SNX13: variants seen among roughly 807,000 people sequenced by gnomAD.
The protein encoded by SNX13 is sorting nexin 13.
Under a neutral mutation model 133.6 loss-of-function variants are expected in SNX13, and 45 were observed. The ratio of observed to expected loss-of-function variants is 0.34; its 90% CI spans 0.27 to 0.43. The LOEUF (loss-of-function observed/expected upper bound fraction) is 0.43, where lower values mean the gene tolerates loss of function less well. Among genes scored for constraint, SNX13 ranks in the 20% least tolerant of loss-of-function variants. The pLI, the probability that SNX13 is intolerant of heterozygous loss-of-function variation, is 1.00. For synonymous variants in SNX13, 414 were observed against 373.9 expected (o/e 1.11, Z -1.24); for missense variants, 1,032 against 1,145.1 (o/e 0.90, Z 1.43).
intron 1 of SNX13, among the ~76,000 whole-genome samples, chr7:17,918,771 T>C (rs770408339): frequency 5.3e-5 from 8 of 152,042 alleles, no homozygotes; most frequent in Non-Finnish European, 1.0e-4. Context: ...CAAAAGAAAA[T>C]GAATCTTTCT....
Position 17,868,884 on chromosome 7 carries a change from C to T in SNX13, c.754-394G>A, listed in dbSNP as rs149897903. Among the ~76,000 whole-genome samples the T allele has an allele frequency of 7.9e-5, 12 of 151,986 alleles. No homozygotes were observed. In the East Asian group the frequency reaches 2.1e-3, roughly 27 times the overall value. ...ATACAAACTGATTTTAGAACTACTA[C>T]CAAGGGAGGAAACGGCAACTACAGT... On this transcript the variant is annotated intron_variant, in intron 8 of 25. Transcript: ENST00000428135.
intron 1 of SNX13, among the ~76,000 whole-genome samples, chr7:17,935,455 A>T (rs770456460): frequency 3.9e-5 from 6 of 152,168 alleles, no homozygotes; most frequent in Non-Finnish European, 7.4e-5. Flanking sequence ...AACTGTCAAC[A>T]ATCATGTATT....
chr7:17,938,843 G>A (rs1453282479), intron 1 of SNX13, among the ~76,000 whole-genome samples: 2 of 152,126 alleles, frequency 1.3e-5, no homozygotes, highest in South Asian at 2.1e-4. Flanking sequence ...AAGGCTAACT[G>A]TTCCCACTAA....
chr7:17,873,566 C>T lies in SNX13; in HGVS notation c.715G>A (p.Gly239Arg). The stretch of plus-strand genomic sequence containing the variant: ...CGCATGATCTTGTTCTGGAAATCTC[C>T]AGGAGGTAGCAATAAATATAGTAAG... ...EVLLYLLLPP[G>R]DFQNKIMRYF... The change falls in exon 8 of 26, where the codon GGA (glycine) becomes AGA (arginine). Residue 239 changes from glycine (G) to arginine (R), a missense_variant. Transcript: ENST00000428135. 1 of 1,586,034 alleles carries T rather than the reference C, an allele frequency of 6.3e-7. No individual in the cohort carries two copies. Among genetic ancestry groups the T allele is most frequent in the South Asian group, 1.2e-5 (1 of 85,524 alleles).
intron 19 of SNX13, 28 bp from the exon 20 acceptor site, chr7:17,814,972 G>T (rs1188654888): frequency 7.3e-7 from 1 of 1,363,102 alleles, no homozygotes; most frequent in Non-Finnish European, 9.4e-7. Flanking sequence ...AAAAAGAAGA[G>T]ATTATCTTAA....
chr7:17,920,036 A>G (rs1799958476), intron 1 of SNX13, among the ~76,000 whole-genome samples: 2 of 152,166 alleles, frequency 1.3e-5, no homozygotes, highest in South Asian at 4.1e-4. Flanking sequence ...TATCCTTTTG[A>G]TGTGGCCTAA....
Position 17,830,178 on chromosome 7 carries a change from A to AAT in SNX13, c.1598-132_1598-131insAT, listed in dbSNP as rs1554316294. 4 of 1,169,188 alleles carry AAT rather than the reference A, an allele frequency of 3.4e-6. No individual in the cohort carries two copies. In the African/African-American group the frequency reaches 4.8e-5, roughly 14 times the overall value. 72.4% of individuals were successfully genotyped at this position (1,169,188 alleles called of 1,614,324 possible). ...CATAATAGTAAAAAAAAAAAAAAAA[A>AAT]AAAAAATTGTGGATACTCCCAAAAA... On this transcript the variant is annotated intron_variant, in intron 15 of 25. Transcript: ENST00000428135.
chr7:17,912,503 C>T (rs1583747336), intron 1 of SNX13, among the ~76,000 whole-genome samples: 2 of 152,110 alleles, frequency 1.3e-5, no homozygotes, highest in African/African-American at 2.4e-5. Flanking sequence ...TCCTGCCTCC[C>T]GGGTTCAAGT....
rs765672187 is a variant in SNX13, at chr7:17,850,920, A to C, written c.882T>G (p.Ile294Met). ...GCTCTCCAATATTGTCACTCAATTT[A>C]ATAATGTTCATAAAGGCCTCATAGT... ...NCNYEAFMNI[I>M]KLSDNIGELE... is the part of the protein sequence containing the mutation. The change falls in exon 10 of 26, where the codon ATT becomes ATG. Residue 294 changes from isoleucine to methionine, a missense_variant. Ile to Met is a conservative substitution (Grantham distance 10). Coordinates refer to ENST00000428135, the MANE Select transcript of SNX13 (RefSeq NM_015132.5). 1.4e-5 allele frequency: 23 copies of C among 1,609,538 alleles called. No individual in the cohort carries two copies. In the African/African-American group the frequency reaches 3.1e-4, roughly 22 times the overall value.
intron 24 of SNX13, among the ~76,000 whole-genome samples, chr7:17,797,929 T>G (rs776251895): frequency 1.1e-4 from 16 of 151,712 alleles, no homozygotes; most frequent in Non-Finnish European, 1.6e-4. Context: ...TATAACAAAA[T>G]AGAGACAAAA....
At chr7:17,805,289 A>G (rs1241098420) in intron 20 of SNX13, among the ~76,000 whole-genome samples, 1 of 140,088 alleles carries the variant, frequency 7.1e-6, no homozygotes, top group South Asian at 2.2e-4. Context: ...GTGTAATTCT[A>G]ATTCTATATA....
intron 11 of SNX13, among the ~76,000 whole-genome samples, chr7:17,849,785 A>G (rs1583469885): frequency 6.6e-6 from 1 of 152,190 alleles, no homozygotes; most frequent in East Asian, 1.9e-4. Context: ...GCAAACAAAA[A>G]TACATCACAG....
rs568587998 is a variant in SNX13, at chr7:17,875,140, G to A, written c.664+340C>T. ...TCCCACCTCAGCCAGCTGATGTTTC[G>A]TACTTTTAGTAGAGACAGGGTTTCG... On this transcript the variant is annotated intron_variant, in intron 7 of 25. Transcript: ENST00000428135. 2.5e-4 allele frequency among the ~76,000 whole-genome samples: 38 copies of A among 152,090 alleles called. 1 individual carries two copies. In the South Asian group the frequency reaches 6.0e-3, roughly 24 times the overall value.
rs10224916 is a variant in SNX13, at chr7:17,801,284, C to T, written c.2298+304G>A. ...AAAAAAAGTCAGACTTCATGGAATA[C>T]GTACCTTACAGTTTCATATATACAA... On this transcript the variant is annotated intron_variant, in intron 22 of 25. Transcript: ENST00000428135. Among the ~76,000 whole-genome samples, 807 of 151,560 alleles carry T rather than the reference C, an allele frequency of 5.3e-3. 4 individuals are homozygous for T. The highest frequency in any genetic ancestry group is 0.019 in the African/African-American group (770 of 41,430).
At position 17,834,320 on chromosome 7, in the gene SNX13, T is replaced by C. The variant is rs548473559; in HGVS notation, c.1465-136A>G. ...TTACAAGCTGTCAGCAATAAGACTA[T>C]TTCACAACTAATGATTTCCTCTGAT... is the stretch of plus-strand genomic sequence containing the variant. On this transcript the variant is annotated intron_variant, in intron 14 of 25. Coordinates refer to ENST00000428135, the MANE Select transcript of SNX13 (RefSeq NM_015132.5). 1.3e-5 allele frequency: 9 copies of C among 718,942 alleles called. No individual in the cohort carries two copies. In the South Asian group the frequency reaches 3.0e-4, roughly 24 times the overall value. The allele number at this position is 718,942 out of a possible 1,614,324, so 44.5% of individuals were successfully genotyped here.
Position 17,791,561 on chromosome 7 carries a change from CAT to C in SNX13, c.*2482_*2483del, listed in dbSNP as rs1227120758. The C allele has an allele frequency of 6.6e-6, 1 of 151,884 alleles. No individual in the cohort carries two copies. Among genetic ancestry groups the C allele is most frequent in the African/African-American group, 2.4e-5 (1 of 41,392 alleles). 9.4% of individuals were successfully genotyped at this position (151,884 alleles called of 1,614,324 possible). A position where few individuals can be genotyped will look rare whatever the true frequency, so the allele number is the denominator to read the frequency against. The stretch of plus-strand genomic sequence containing the variant: ...ACTATGATGGTTTCTAAATAGTGTA[CAT>C]GTTACCTGAAAAATCAGAAAACACA... On this transcript the variant is annotated 3_prime_UTR_variant, in exon 26 of 26. Transcript: ENST00000428135.
chr7:17,813,342 A>T (rs1369748966), intron 20 of SNX13, among the ~76,000 whole-genome samples: 1 of 152,198 alleles, frequency 6.6e-6, no homozygotes, highest in Non-Finnish European at 1.5e-5. Context: ...AAACTGTTCC[A>T]AGTTGGAATT....
chr7:17,848,366 G>A (rs762190250), intron 11 of SNX13, among the ~76,000 whole-genome samples: 27 of 151,998 alleles, frequency 1.8e-4, no homozygotes, highest in Non-Finnish European at 3.5e-4. Context: ...TTTCCTGGAC[G>A]CCGAGTAAGA....
At chr7:17,826,498 T>C (rs780092784) in intron 16 of SNX13, among the ~76,000 whole-genome samples, 10 of 152,048 alleles carry the variant, frequency 6.6e-5, no homozygotes, top group Non-Finnish European at 1.0e-4. Context: ...CTTTTGTTAA[T>C]ATAGAAATAA....
Sources: gnomAD v4.1 joint callset for allele counts (sites outside exome capture counted in the v4.1 genomes callset) on GRCh38, gnomAD v4.1.1 for gene constraint, MANE v1.5 for transcripts, NCBI Gene and HGNC (gene_info 2026-07-23, HGNC 2026-07-21) for gene names.